Variants in FHIT observed in about 807,000 individuals in gnomAD.
FHIT encodes the protein bis(5'-adenosyl)-triphosphatase.
A neutral mutation model predicts 17.9 loss-of-function variants in FHIT; 19 were observed. The ratio of observed to expected loss-of-function variants is 1.06; its 90% CI spans 0.74 to 1.56. FHIT has a LOEUF of 1.56. FHIT is among the 40% of genes most tolerant of loss of function. The pLI is 0.00. For synonymous variants in FHIT, 81 were observed against 69.7 expected (o/e 1.16, Z -0.81); for missense variants, 248 against 189.2 (o/e 1.31, Z -1.82).
chr3:59,920,171 G>T (rs1443410673), intron 8 of FHIT, among the ~76,000 whole-genome samples: 4 of 152,050 alleles, frequency 2.6e-5, no homozygotes, highest in Non-Finnish European at 5.9e-5. Flanking sequence ...ACAAATTCTT[G>T]GTAAGTACCA....
Position 60,424,936 on chromosome 3 carries a change from T to A in FHIT, c.103+111924A>T, listed in dbSNP as rs142315916. Among the ~76,000 whole-genome samples the A allele has an allele frequency of 2.8e-4, 43 of 152,230 alleles. 2 individuals are homozygous for A. In the East Asian group the frequency reaches 8.3e-3, roughly 30 times the overall value. On this transcript the variant is annotated intron_variant, in intron 5 of 9. Coordinates refer to ENST00000492590, the MANE Select transcript of FHIT (RefSeq NM_002012.4). ...TATCAGTAGTCACCTTCTGCATGGA[T>A]TAATAAATCAAAAAGGGATTTTAAT...
At position 61,156,710 on chromosome 3, in the gene FHIT, G is replaced by A. The variant is rs143813823; in HGVS notation, c.-164+43907C>T. ...ACTCACTTATGGTATAATCTATACT[G>A]TGTCCCAGTTCAGTTTAATATCCAC... On this transcript the variant is annotated intron_variant, in intron 2 of 9. Coordinates refer to ENST00000492590, the MANE Select transcript of FHIT (RefSeq NM_002012.4). Among the ~76,000 whole-genome samples, 6 of 152,184 alleles carry A rather than the reference G, an allele frequency of 3.9e-5. No individual in the cohort carries two copies. In the East Asian group the frequency reaches 1.2e-3, roughly 29 times the overall value.
rs571804336 is a variant in FHIT at position 59,811,246 on chromosome 3, G to A, written c.349-58925C>T. ...AGGAGAATGCAGAGGCAATGGCAGT[G>A]GGGTGCCAAGATATAACTAACTGCT... On this transcript the variant is annotated intron_variant, in intron 8 of 9. Transcript: ENST00000492590. 7.9e-5 allele frequency among the ~76,000 whole-genome samples: 12 copies of A among 152,292 alleles called. No individual in the cohort carries two copies. In the East Asian group the frequency reaches 2.1e-3, roughly 27 times the overall value.
intron 5 of FHIT, among the ~76,000 whole-genome samples, chr3:60,294,925 C>G (rs1708140158): frequency 1.3e-5 from 2 of 152,150 alleles, no homozygotes; most frequent in Non-Finnish European, 2.9e-5. Context: ...AACTATTCAC[C>G]TGCAGAAGGA....
chr3:60,350,621 C>A (rs1016951892), intron 5 of FHIT, among the ~76,000 whole-genome samples: 1 of 152,072 alleles, frequency 6.6e-6, no homozygotes, highest in East Asian at 1.9e-4. Context: ...ATTTCTTCTC[C>A]CTCCTTCCTC....
intron 5 of FHIT, among the ~76,000 whole-genome samples, chr3:60,204,718 C>T (rs900699013): frequency 6.6e-6 from 1 of 151,978 alleles, no homozygotes; most frequent in Non-Finnish European, 1.5e-5. Context: ...TGCACTAATA[C>T]AAATGAAAAT....
At chr3:60,363,141 G>A (rs952934577) in intron 5 of FHIT, among the ~76,000 whole-genome samples, 1 of 152,064 alleles carries the variant, frequency 6.6e-6, no homozygotes, top group South Asian at 2.1e-4. Context: ...ATAAAAAGAG[G>A]TGCAGAAAAC....
intron 5 of FHIT, among the ~76,000 whole-genome samples, chr3:60,201,699 T>A (rs1357417992): frequency 6.6e-6 from 1 of 152,202 alleles, no homozygotes; most frequent in Non-Finnish European, 1.5e-5. Context: ...CACTTCTGTG[T>A]ATATTTAACC....
chr3:60,159,599 G>A (rs1385894886), intron 5 of FHIT, among the ~76,000 whole-genome samples: 2 of 152,288 alleles, frequency 1.3e-5, no homozygotes, highest in South Asian at 2.1e-4. Context: ...TACAGTAATA[G>A]TAACACTCAA....
At chr3:60,243,550 A>G (rs1403735507) in intron 5 of FHIT, among the ~76,000 whole-genome samples, 1 of 152,072 alleles carries the variant, frequency 6.6e-6, no homozygotes, top group Non-Finnish European at 1.5e-5. Flanking sequence ...ACCAAATTCC[A>G]TCATGCTTTA....
At chr3:59,872,527 T>C (rs556813702) in intron 8 of FHIT, among the ~76,000 whole-genome samples, 99 of 152,326 alleles carry the variant, frequency 6.5e-4, no homozygotes, top group Non-Finnish European at 1.2e-3. Context: ...GGAATGGCCT[T>C]TTCTGAGAAC....
chr3:59,890,822 G>A (rs1690504399), intron 8 of FHIT, among the ~76,000 whole-genome samples: 1 of 152,178 alleles, frequency 6.6e-6, no homozygotes, highest in Admixed American at 6.5e-5. Context: ...ATAAAGAACA[G>A]TATTTAATTT....
intron 5 of FHIT, among the ~76,000 whole-genome samples, chr3:60,120,746 T>C (rs1705210234): frequency 6.6e-6 from 1 of 152,186 alleles, no homozygotes; most frequent in Admixed American, 6.5e-5. Flanking sequence ...ACTCACTCAT[T>C]CTCTCTTCTG....
chr3:60,438,979 G>C (rs79651231), intron 5 of FHIT, among the ~76,000 whole-genome samples: 1 of 152,050 alleles, frequency 6.6e-6, no homozygotes, highest in African/African-American at 2.4e-5. Flanking sequence ...TGAAATATGC[G>C]GAAGAAAATA....
chr3:60,488,100 A>G (rs1170226219), intron 5 of FHIT, among the ~76,000 whole-genome samples: 1 of 152,232 alleles, frequency 6.6e-6, no homozygotes, highest in Non-Finnish European at 1.5e-5. Flanking sequence ...GCAGCTACTT[A>G]AAGCATAAAG....
chr3:59,986,495 CAA>C lies in FHIT; in HGVS notation c.279+24874_279+24875del, dbSNP rs1559523130. Among the ~76,000 whole-genome samples the C allele has an allele frequency of 1.9e-4, 18 of 94,870 alleles. 1 individual carries two copies. The highest frequency in any genetic ancestry group is 7.1e-4 in the African/African-American group (16 of 22,490). The allele number at this position is 94,870 out of a possible 152,430, so 62.2% of individuals were successfully genotyped here. ...GGGCTCTGGGTATGAGAAAGTAGTCCAAAATATATATATATATATATATATAT... is the reference window on the plus strand; with the variant it reads ...GGGCTCTGGGTATGAGAAAGTAGTCCAATATATATATATATATATATATAT... On this transcript the variant is annotated intron_variant, in intron 7 of 9. Coordinates refer to ENST00000492590, the MANE Select transcript of FHIT (RefSeq NM_002012.4).
intron 2 of FHIT, among the ~76,000 whole-genome samples, chr3:61,155,225 A>G (rs987438677): frequency 3.9e-5 from 6 of 152,192 alleles, no homozygotes; most frequent in Admixed American, 1.3e-4. Context: ...GGAACTTATG[A>G]GCACACCCAT....
chr3:60,617,339 G>A, intron 4 of FHIT: 1 of 198,324 alleles, frequency 5.0e-6, no homozygotes. Flanking sequence ...CCTCTACTCA[G>A]CTGGATTTAC....
chr3:60,149,342 C>CT (rs34596023), intron 5 of FHIT, among the ~76,000 whole-genome samples: 48 of 147,218 alleles, frequency 3.3e-4, no homozygotes, highest in African/African-American at 5.3e-4. Context: ...CTTCAACATG[C>CT]TTTTTTTTTT....
Sources: gnomAD v4.1 joint callset for allele counts (sites outside exome capture counted in the v4.1 genomes callset) on GRCh38, gnomAD v4.1.1 for gene constraint, MANE v1.5 for transcripts, NCBI Gene and HGNC (gene_info 2026-07-23, HGNC 2026-07-21) for gene names.